CAPN10: variants seen among roughly 807,000 people sequenced by gnomAD.
The protein encoded by CAPN10 is calpain-10.
A neutral mutation model predicts 78.4 loss-of-function variants in CAPN10; 71 were observed. That is an observed-to-expected ratio of 0.91 (90% CI 0.75 to 1.10). The LOEUF (loss-of-function observed/expected upper bound fraction) is 1.10. Among genes scored for constraint, CAPN10 ranks in the 50% least tolerant of loss-of-function variants. The pLI, the probability that CAPN10 is intolerant of heterozygous loss-of-function variation, is 0.00. For missense variants in CAPN10, 849 were observed against 924.6 expected (o/e 0.92, Z 1.06); for synonymous variants, 437 against 407.2 (o/e 1.07, Z -0.88).
intron 3 of CAPN10, chr2:240,591,449 T>C (rs1020413118): frequency 1.8e-5 from 4 of 227,908 alleles, no homozygotes; most frequent in Admixed American, 1.6e-4. Flanking sequence ...ACCCTCACCA[T>C]GAGTCATAAT....
chr2:240,597,940 C>T lies in CAPN10; in HGVS notation c.1796C>T (p.Pro599Leu), dbSNP rs759635598. 16 of 1,612,372 alleles carry T rather than the reference C, an allele frequency of 9.9e-6. No homozygotes were observed. The highest frequency in any genetic ancestry group is 1.2e-5 in the Non-Finnish European group (14 of 1,179,782). Reference protein sequence around the residue: ...QDAPPLLLQEPLLSCVPHRYA... With the variant: ...QDAPPLLLQELLLSCVPHRYA... ...GCACCCCCACTGCTGCTGCAGGAGC[C>T]GCTGCTGAGCTGCGTGCCACATCGC... The change falls in exon 10 of 12, where the codon CCG (proline) becomes CTG (leucine). Residue 599 changes from proline (P) to leucine (L), a missense_variant. Coordinates refer to ENST00000391984, the MANE Select transcript of CAPN10 (RefSeq NM_023083.4).
chr2:240,598,692 CCT>C lies in CAPN10; in HGVS notation c.*13_*14del. 1.3e-6 allele frequency: 2 copies of C among 1,570,794 alleles called. No homozygotes were observed. Among genetic ancestry groups the C allele is most frequent in the Non-Finnish European group, 1.7e-6 (2 of 1,157,974 alleles). ...TGATGAAAACCTAACAGGGTGGCCC[CCT>C]GTGCCAGCTCAGGTGACTGGAGCCC... On this transcript the variant is annotated 3_prime_UTR_variant, in exon 12 of 12. Transcript: ENST00000391984.
chr2:240,595,397 A>G, intron 7 of CAPN10, 93 bp downstream of exon 7: 2 of 1,369,430 alleles, frequency 1.5e-6, no homozygotes, highest in Non-Finnish European at 2.0e-6. Context: ...GCCGGGACAC[A>G]TGTGACTCTG....
Position 240,596,862 on chromosome 2 carries a change from C to G in CAPN10, c.1663C>G (p.Arg555Gly). The G allele has an allele frequency of 6.2e-7, 1 of 1,613,580 alleles. No individual in the cohort carries two copies. The highest frequency in any genetic ancestry group is 8.5e-7 in the Non-Finnish European group (1 of 1,180,008). Residue 555 changes from arginine (R) to glycine (G), a missense_variant, in exon 9 of 12, where the codon CGC becomes GGC. Coordinates refer to ENST00000391984, the MANE Select transcript of CAPN10 (RefSeq NM_023083.4). ...CTCGGTCCCCGAGGGCCCTGGCCCCCGCTGCGTCCGCATCACTCTGCATCA... is the reference window on the plus strand; with the variant it reads ...CTCGGTCCCCGAGGGCCCTGGCCCCGGCTGCGTCCGCATCACTCTGCATCA... ...PFSVPEGPGP[R>G]CVRITLHQHC...
chr2:240,589,246 C>G (rs2093086139), intron 1 of CAPN10, 97 bp from the exon 2 acceptor site: 3 of 1,516,728 alleles, frequency 2.0e-6, no homozygotes, highest in Non-Finnish European at 1.8e-6. Flanking sequence ...ATCGGAAAAG[C>G]TCCACCCCAA....
In CAPN10 at chr2:240,591,291, T is replaced by C. The variant is rs975792045; in HGVS notation, c.470+280T>C. 10 of 390,666 alleles carry C rather than the reference T, an allele frequency of 2.6e-5. No individual in the cohort carries two copies. In the Admixed American group the frequency reaches 3.4e-4, roughly 13 times the overall value. The allele number at this position is 390,666 out of a possible 1,614,324, so 24.2% of individuals were successfully genotyped here. A position where few individuals can be genotyped will look rare whatever the true frequency, so the allele number is the denominator to read the frequency against. On this transcript the variant is annotated intron_variant, in intron 3 of 11. Coordinates refer to ENST00000391984, the MANE Select transcript of CAPN10 (RefSeq NM_023083.4). ...CATGTGTGCCGTCCTCCTTATTTTA[T>C]CGGCCCCAGCAAGAAAGATGCTTCT...
Position 240,590,610 on chromosome 2 carries a change from G to A in CAPN10, c.274-205G>A, listed in dbSNP as rs918137965. 2.3e-5 allele frequency: 13 copies of A among 558,382 alleles called. No individual in the cohort carries two copies. In the East Asian group the frequency reaches 2.9e-4, roughly 12 times the overall value. 34.6% of individuals were successfully genotyped at this position (558,382 alleles called of 1,614,324 possible). A position where few individuals can be genotyped will look rare whatever the true frequency, so the allele number is the denominator to read the frequency against. On this transcript the variant is annotated intron_variant, in intron 2 of 11. Coordinates refer to ENST00000391984, the MANE Select transcript of CAPN10 (RefSeq NM_023083.4). ...CCAGGTGTGCCGTAGAGTTCTCTGC[G>A]ACATCCAGGTGTGCCGTAGAGTTCT...
chr2:240,590,921 G>A lies in CAPN10; in HGVS notation c.380G>A (p.Arg127His), dbSNP rs766281286. 1.7e-5 allele frequency: 28 copies of A among 1,614,044 alleles called. No individual in the cohort carries two copies. The highest frequency in any genetic ancestry group is 3.3e-5 in the Admixed American group (2 of 60,004). Residue 127 changes from arginine (R) to histidine (H), a missense_variant, in exon 3 of 12, where the codon CGC becomes CAC. Transcript: ENST00000391984. ...TGGGTGGAGGTGACCACAGATGACC[G>A]CCTGCCGTGCCTTGCAGGGAGACTC... ...GRWVEVTTDD[R>H]LPCLAGRLCF...
chr2:240,598,208 G>A, intron 10 of CAPN10, 121 bp downstream of exon 10: 2 of 1,367,746 alleles, frequency 1.5e-6, no homozygotes, highest in Non-Finnish European at 2.1e-6. Context: ...TGTCCTGGCA[G>A]ACCAGGGCTG....
chr2:240,598,017 GTTGTGCCCTCCACC>G lies in CAPN10; in HGVS notation c.1875_1888del (p.Val626ProfsTer17). Reference sequence around the variant, plus strand: ...CCTCCTGCCTGCGGGCACCTACAAGGTTGTGCCCTCCACCTACCTGCCGGACACAGAGGGGGCCT... The same window carrying G: ...CCTCCTGCCTGCGGGCACCTACAAGGTACCTGCCGGACACAGAGGGGGCCT... On this transcript the variant is annotated frameshift_variant, in exon 10 of 12. Transcript: ENST00000391984. LOFTEE classifies it high-confidence loss of function. 1 of 1,613,282 alleles carries G rather than the reference GTTGTGCCCTCCACC, an allele frequency of 6.2e-7. No homozygotes were observed. Among genetic ancestry groups the G allele is most frequent in the Non-Finnish European group, 8.5e-7 (1 of 1,179,936 alleles).
chr2:240,590,521 T>G, intron 2 of CAPN10: 1 of 315,618 alleles, frequency 3.2e-6, no homozygotes, highest in Non-Finnish European at 5.9e-6. Context: ...GTTAATTTCA[T>G]GTGGGTGATG....
chr2:240,595,825 T>A (rs2093133098), intron 7 of CAPN10: 1 of 704,662 alleles, frequency 1.4e-6, no homozygotes, highest in African/African-American at 1.8e-5. Context: ...GTGTGTTGTT[T>A]CCAGGAAGAA....
At chr2:240,594,102 C>G in intron 5 of CAPN10, 55 bp downstream of exon 5, 4 of 1,504,952 alleles carry the variant, frequency 2.7e-6, no homozygotes, top group Admixed American at 1.9e-5. Context: ...CAGTGCCAGT[C>G]TGGCCTGTGT....
In CAPN10 at chr2:240,594,739, G is replaced by C. The variant is rs756785158; in HGVS notation, c.997+30G>C. ...TGCCCCGAGGGGCTGTGCTGGGCAC[G>C]TGCTCTGCCTGCCGAAGTGAGGAGG... On this transcript the variant is annotated intron_variant, in intron 6 of 11. Coordinates refer to ENST00000391984, the MANE Select transcript of CAPN10 (RefSeq NM_023083.4). 6 of 1,596,032 alleles carry C rather than the reference G, an allele frequency of 3.8e-6. No homozygotes were observed. The South Asian group carries it at 6.7e-5, about 18-fold the overall frequency.
intron 10 of CAPN10, 82 bp from the exon 11 acceptor site, chr2:240,598,270 C>G: frequency 6.6e-7 from 1 of 1,522,164 alleles, no homozygotes; most frequent in South Asian, 1.1e-5. Flanking sequence ...GAAGGAGAGT[C>G]TAGTGGGAGG....
Position 240,589,346 on chromosome 2 carries a change from A to G in CAPN10, c.145A>G (p.Ile49Val), listed in dbSNP as rs1427201539. 1 of 1,614,056 alleles carries G rather than the reference A, an allele frequency of 6.2e-7. No homozygotes were observed. The highest frequency in any genetic ancestry group is 8.5e-7 in the Non-Finnish European group (1 of 1,180,014). The change falls in exon 2 of 12, where the codon ATT becomes GTT. Residue 49 changes from isoleucine to valine, a missense_variant. Coordinates refer to ENST00000391984, the MANE Select transcript of CAPN10 (RefSeq NM_023083.4). ...EDITWRRPQE[I>V]CATPRLFPDD... ...TGGACAACTTTCTGTATCTCAGGAG[A>G]TTTGTGCCACACCCCGGCTGTTTCC...
chr2:240,586,946 A>T lies in CAPN10; in HGVS notation c.35A>T (p.Glu12Val). The change falls in exon 1 of 12, where the codon GAG (glutamate) becomes GTG (valine). Residue 12 changes from glutamate to valine, a missense_variant. Physicochemically the swap from Glu to Val is moderately radical, Grantham distance 121. Transcript: ENST00000391984. ...GGCCGGGGCGCGACGCCGGCGAGGG[A>T]GCTGTTCCGGGACGCCGCCTTCCCC... Reference protein sequence around the residue: ...RAGRGATPARELFRDAAFPAA... With the variant: ...RAGRGATPARVLFRDAAFPAA... 1 of 1,469,060 alleles carries T rather than the reference A, an allele frequency of 6.8e-7. No homozygotes were observed. The highest frequency in any genetic ancestry group is 1.3e-5 in the South Asian group (1 of 76,722). The allele number at this position is 1,469,060 out of a possible 1,614,324, so 91.0% of individuals were successfully genotyped here.
At chr2:240,589,309 A>G (rs769885507) in intron 1 of CAPN10, 34 bp from the exon 2 acceptor site, 10 of 1,613,956 alleles carry the variant, frequency 6.2e-6, no homozygotes, top group African/African-American at 4.0e-5. Flanking sequence ...CACAGCAGGC[A>G]TGATCTAACT....
At chr2:240,596,643 C>T (rs1276410438) in intron 8 of CAPN10, 38 bp from the exon 9 acceptor site, 35 of 1,529,512 alleles carry the variant, frequency 2.3e-5, no homozygotes, top group Non-Finnish European at 3.1e-5. Flanking sequence ...CACCGGGAAC[C>T]TGCTGCCAGC....
Sources: allele counts gnomAD v4.1 joint callset, GRCh38; gene constraint gnomAD v4.1.1; transcripts MANE v1.5; gene names NCBI Gene and HGNC (gene_info 2026-07-23, HGNC 2026-07-21).